Variants in POGK observed in about 807,000 individuals in gnomAD.
POGK encodes pogo transposable element derived with KRAB domain.
In POGK, 16 loss-of-function variants were observed where a neutral mutation model predicts 54.4. The ratio of observed to expected loss-of-function variants is 0.29; its 90% confidence interval spans 0.20 to 0.45. The LOEUF (loss-of-function observed/expected upper bound fraction) is 0.45, where lower values mean the gene tolerates loss of function less well. Ranked by LOEUF, POGK falls within the 20% of genes least tolerant of loss-of-function variation. POGK has a pLI of 1.00. For missense variants in POGK, 515 were observed against 795.6 expected, an observed-to-expected ratio of 0.65 and a Z score of 4.24; for synonymous variants, 271 against 302.2, an observed-to-expected ratio of 0.90 and a Z score of 1.07.
In POGK at chr1:166,854,900, T is replaced by C. The variant is rs1157303552; in HGVS notation, c.*2330T>C. ...AATCTGGCAGTGTTATTTTTCCTTTTCAACCCATCAGCATTAAATGCTGAG... is the reference window on the plus strand; with the variant it reads ...AATCTGGCAGTGTTATTTTTCCTTTCCAACCCATCAGCATTAAATGCTGAG... On this transcript the variant is annotated 3_prime_UTR_variant, in exon 6 of 6. Transcript: ENST00000367876. The C allele has an allele frequency of 1.3e-5, 2 of 150,936 alleles. No homozygotes were observed. Among genetic ancestry groups the C allele is most frequent in the African/African-American group, 5.0e-5 (2 of 40,216 alleles). 9.3% of individuals were successfully genotyped at this position (150,936 alleles called of 1,614,324 possible).
At chr1:166,852,214 C>T (rs1326446445) in intron 5 of POGK, 1 of 152,170 alleles carries the variant, frequency 6.6e-6, no homozygotes, top group Non-Finnish European at 1.5e-5. Context: ...TTTTGCTTTT[C>T]CCTCTCCTTG....
Position 166,849,945 on chromosome 1 carries a change from C to T in POGK, c.1366C>T (p.Arg456Trp), listed in dbSNP as rs561026459. The part of the protein sequence containing the change: ...MQDWLEVVWR[R>W]RTGAVPKQRG... ...GGACTGGTTGGAAGTGGTGTGGAGA[C>T]GGAGGACAGGAGCAGTGCCCAAGCA... is the stretch of plus-strand genomic sequence containing the variant. Residue 456 changes from arginine to tryptophan, a missense_variant, in exon 5 of 6, where the codon CGG becomes TGG. Arg to Trp is a moderately radical substitution (Grantham distance 101). Around this residue, in one of 2 missense-constraint regions of POGK, gnomAD observed 461 missense variants for 743.5 expected, o/e 0.62. Coordinates refer to ENST00000367876, the MANE Select transcript of POGK (RefSeq NM_017542.5). 8 of 1,614,188 alleles carry T rather than the reference C, an allele frequency of 5.0e-6. No individual in the cohort carries two copies. The highest frequency in any genetic ancestry group is 4.5e-5 in the East Asian group (2 of 44,882).
At chr1:166,842,966 T>C (rs1657577162) in intron 2 of POGK, among the ~76,000 whole-genome samples, 1 of 152,162 alleles carries the variant, frequency 6.6e-6, no homozygotes, top group South Asian at 2.1e-4. Context: ...AAAATATGTA[T>C]TTTGGTTATA....
At chr1:166,845,573 T>A (rs1376937043) in intron 2 of POGK, among the ~76,000 whole-genome samples, 1 of 152,068 alleles carries the variant, frequency 6.6e-6, no homozygotes, top group East Asian at 1.9e-4. Context: ...GCAGGCTATA[T>A]AGCATATGGA....
rs372034969 is a variant in POGK, at chr1:166,844,685, G to A, written c.133-1927G>A. On this transcript the variant is annotated intron_variant, in intron 2 of 5. Coordinates refer to ENST00000367876, the MANE Select transcript of POGK (RefSeq NM_017542.5). ...CATTTTTCAGTGACTACTAGCTACA[G>A]GAAGTGTCCTCGGCTTAGGGAAGCA... Among the ~76,000 whole-genome samples the A allele has an allele frequency of 5.2e-4, 79 of 152,356 alleles. No homozygotes were observed. In the South Asian group the frequency reaches 0.016, roughly 31 times the overall value.
rs1223012618 is a variant in POGK at position 166,850,266 on chromosome 1, A to G, written c.1687A>G (p.Ile563Val). 10 of 1,572,664 alleles carry G rather than the reference A, an allele frequency of 6.4e-6. No homozygotes were observed. The highest frequency in any genetic ancestry group is 1.4e-5 in the African/African-American group (1 of 73,988). The change falls in exon 5 of 6, where the codon ATC (isoleucine) becomes GTC (valine). Residue 563 changes from isoleucine (I) to valine (V), a missense_variant. Physicochemically the swap from Ile to Val is conservative, Grantham distance 29 (BLOSUM62 3). Around this residue, in one of 2 missense-constraint regions of POGK, gnomAD observed 461 missense variants for 743.5 expected, o/e 0.62. Coordinates refer to ENST00000367876, the MANE Select transcript of POGK (RefSeq NM_017542.5). ...GTGGAATAGCATCTCAAGTGAGTCC[A>G]TCGTCCAAGGGTTCAAGAAGTGCCA... ...VAWNSISSESIVQGFKKCHIS... is the reference protein window; with the variant it reads ...VAWNSISSESVVQGFKKCHIS...
intron 5 of POGK, 135 bp downstream of exon 5, chr1:166,850,558 A>G (rs912333825): frequency 3.3e-5 from 30 of 919,280 alleles, no homozygotes; most frequent in Middle Eastern, 3.5e-4. Context: ...GGGGTCCCCA[A>G]CCCCCAGGTC....
rs1409611548 is a variant in POGK at position 166,849,538 on chromosome 1, C to T, written c.959C>T (p.Ser320Phe). ...AGAATGATGAGAAGGTATGACCTGT[C>T]TCTGAGGCATAAAGTGCCCGTGCCC... ...CRRMMRRYDL[S>F]LRHKVPVPQH... Residue 320 changes from serine to phenylalanine, a missense_variant, in exon 5 of 6, where the codon TCT becomes TTT. Coordinates refer to ENST00000367876, the MANE Select transcript of POGK (RefSeq NM_017542.5). 1.2e-6 allele frequency: 2 copies of T among 1,614,284 alleles called. No individual in the cohort carries two copies. The highest frequency in any genetic ancestry group is 2.2e-5 in the South Asian group (2 of 91,088).
chr1:166,844,182 A>C (rs1657735859), intron 2 of POGK, among the ~76,000 whole-genome samples: 1 of 152,148 alleles, frequency 6.6e-6, no homozygotes, highest in South Asian at 2.1e-4. Flanking sequence ...ACCAGCCCCC[A>C]GCTTTCTTCC....
intron 2 of POGK, 149 bp downstream of exon 2, chr1:166,841,237 T>A: frequency 9.3e-7 from 1 of 1,077,982 alleles, no homozygotes; most frequent in Non-Finnish European, 1.3e-6. Context: ...TCTGTGGCTT[T>A]AAAAGGCAGT....
rs773263385 is a variant in POGK at position 166,841,104 on chromosome 1, T to A, written c.132+16T>A. On this transcript the variant is annotated intron_variant, in intron 2 of 5. Transcript: ENST00000367876. ...GGGCGGATGGGTAAGTAAGAAGGTG[T>A]GGAGTCCACACAGCCAGCAGATGCA... 6.2e-7 allele frequency: 1 copy of A among 1,612,586 alleles called. No individual in the cohort carries two copies. Among genetic ancestry groups the A allele is most frequent in the Admixed American group, 1.7e-5 (1 of 59,986 alleles).
rs867328504 is a variant in POGK, at chr1:166,849,995, C to T, written c.1416C>T (p.Gly472=). The change falls in exon 5 of 6, where the codon GGC becomes GGT. Residue 472 remains glycine (G), a synonymous_variant. Coordinates refer to ENST00000367876, the MANE Select transcript of POGK (RefSeq NM_017542.5). ...AGCGAGGGATGCTGATCTTGAATGG[C>T]TTCCGGGGCCATGCCACAGATTCCG... is the stretch of plus-strand genomic sequence containing the variant. ...PKQRGMLILN[G]FRGHATDSVK... The T allele has an allele frequency of 9.9e-6, 16 of 1,614,094 alleles. No homozygotes were observed. The highest frequency in any genetic ancestry group is 1.7e-5 in the Admixed American group (1 of 60,012).
intron 2 of POGK, among the ~76,000 whole-genome samples, 179 bp downstream of exon 2, chr1:166,841,267 T>G (rs1557897265): frequency 6.6e-6 from 1 of 152,102 alleles, no homozygotes; most frequent in Non-Finnish European, 1.5e-5. Context: ...GGAGGAGGTG[T>G]TATGGAAACA....
Position 166,849,262 on chromosome 1 carries a change from A to G in POGK, c.683A>G (p.Glu228Gly). 1.2e-6 allele frequency: 2 copies of G among 1,614,198 alleles called. No individual in the cohort carries two copies. The highest frequency in any genetic ancestry group is 1.7e-6 in the Non-Finnish European group (2 of 1,180,038). ...GCTGCCAAGCAGTTTGGAGTATTGG[A>G]AAAAAACGTTCGAGACTGGCGCAAA... ...CQAAKQFGVL[E>G]KNVRDWRKVK... The change falls in exon 5 of 6, where the codon GAA (glutamate) becomes GGA (glycine). Residue 228 changes from glutamate (E) to glycine (G), a missense_variant. Physicochemically the swap from Glu to Gly is moderately conservative, Grantham distance 98 (BLOSUM62 -2). Around this residue, in one of 2 missense-constraint regions of POGK, gnomAD observed 461 missense variants for 743.5 expected, o/e 0.62. Transcript: ENST00000367876.
At position 166,849,356 on chromosome 1, in the gene POGK, T is replaced by C. The variant is rs2101764261; in HGVS notation, c.777T>C (p.Phe259=). 6.2e-7 allele frequency: 1 copy of C among 1,614,188 alleles called. No homozygotes were observed. Among genetic ancestry groups the C allele is most frequent in the Non-Finnish European group, 8.5e-7 (1 of 1,180,042 alleles). ...TCCGAGGCCCCAAGAATGGGAGGTT[T>C]GCTCTGGTGGACCAGCGTGTGGCCG... ...RAFRGPKNGR[F]ALVDQRVAEY... is the part of the protein sequence containing the mutation. Residue 259 remains phenylalanine (F), a synonymous_variant, in exon 5 of 6, where the codon TTT becomes TTC. Transcript: ENST00000367876.
rs972582459 is a variant in POGK at position 166,854,143 on chromosome 1, A to G, written c.*1573A>G. 6.6e-6 allele frequency: 1 copy of G among 152,616 alleles called. No homozygotes were observed. Among genetic ancestry groups the G allele is most frequent in the Non-Finnish European group, 1.5e-5 (1 of 68,042 alleles). The allele number at this position is 152,616 out of a possible 1,614,324, so 9.5% of individuals were successfully genotyped here. A position where few individuals can be genotyped will look rare whatever the true frequency, so the allele number is the denominator to read the frequency against. Reference sequence around the variant, plus strand: ...AATTTTGGGTTCCTTCCTTGGAGCCATAGTTACCCTGCCAAGAAGAGTAGA... The same window carrying G: ...AATTTTGGGTTCCTTCCTTGGAGCCGTAGTTACCCTGCCAAGAAGAGTAGA... On this transcript the variant is annotated 3_prime_UTR_variant, in exon 6 of 6. Transcript: ENST00000367876.
At chr1:166,847,429 C>T in intron 3 of POGK, 65 bp from the exon 4 acceptor site, 1 of 1,269,294 alleles carries the variant, frequency 7.9e-7, no homozygotes, top group Non-Finnish European at 1.1e-6. Context: ...TTTTGAAGTA[C>T]TTATTTTGGT....
At position 166,849,702 on chromosome 1, in the gene POGK, C is replaced by T. The variant is rs1317929387; in HGVS notation, c.1123C>T (p.Arg375Trp). Residue 375 changes from arginine to tryptophan, a missense_variant, in exon 5 of 6, where the codon CGG becomes TGG. Transcript: ENST00000367876. ...GCCCATTTGTTTAGAGGTGCCATCACGGGTAACTGTTGATAACCAGGGCGA... is the reference window on the plus strand; with the variant it reads ...GCCCATTTGTTTAGAGGTGCCATCATGGGTAACTGTTGATAACCAGGGCGA... ...ETPICLEVPSRVTVDNQGEKP... is the reference protein window; with the variant it reads ...ETPICLEVPSWVTVDNQGEKP... 5 of 1,614,272 alleles carry T rather than the reference C, an allele frequency of 3.1e-6. No homozygotes were observed. The highest frequency in any genetic ancestry group is 1.7e-5 in the Admixed American group (1 of 60,034).
At chr1:166,840,770 C>G (rs1657468054) in intron 1 of POGK, among the ~76,000 whole-genome samples, 185 bp from the exon 2 acceptor site, 1 of 152,188 alleles carries the variant, frequency 6.6e-6, no homozygotes, top group Admixed American at 6.5e-5. Flanking sequence ...TACCCACAGC[C>G]TCTCTTATCA....
Sources: allele counts gnomAD v4.1 joint callset (sites outside exome capture counted in the v4.1 genomes callset), GRCh38; gene constraint gnomAD v4.1.1; regional missense constraint gnomAD v4.1.1; transcripts MANE v1.5; gene names NCBI Gene and HGNC (gene_info 2026-07-23, HGNC 2026-07-21).